P3H2: variants seen among roughly 807,000 people sequenced by gnomAD.
P3H2 encodes prolyl 3-hydroxylase 2, also known as leprecan-like 1.
A neutral mutation model predicts 87.0 loss-of-function variants in P3H2; 80 were observed. That is an observed-to-expected ratio of 0.92 (90% CI 0.77 to 1.11). The LOEUF is 1.11. Ranked by LOEUF, P3H2 falls within the 50% of genes least tolerant of loss-of-function variation. The pLI is 0.00. For missense variants in P3H2, 1,001 were observed against 923.9 expected (o/e 1.08, Z -1.08); for synonymous variants, 367 against 359.3 (o/e 1.02, Z -0.24).
At chr3:190,114,408 G>T (rs1712207221) in intron 1 of P3H2, among the ~76,000 whole-genome samples, 1 of 151,648 alleles carries the variant, frequency 6.6e-6, no homozygotes, top group African/African-American at 2.4e-5. Flanking sequence ...GGATGGTCTC[G>T]ATCTCCTGAC....
chr3:190,101,689 C>A (rs1711634090), intron 1 of P3H2, among the ~76,000 whole-genome samples: 1 of 152,120 alleles, frequency 6.6e-6, no homozygotes, highest in South Asian at 2.1e-4. Flanking sequence ...GATGACGCAG[C>A]AAGCGTTAAT....
At position 189,974,018 on chromosome 3, in the gene P3H2, C is replaced by T. The variant is rs1723269132; in HGVS notation, c.1453-14G>A. On this transcript the variant is annotated splice_polypyrimidine_tract_variant and intron_variant, in intron 9 of 14. Coordinates refer to ENST00000319332, the MANE Select transcript of P3H2 (RefSeq NM_018192.4). ...AAGCATGATTCCCTGGAAGCAAATA[C>T]AAGAAGATACGTCATCAATGATAAC... is the stretch of plus-strand genomic sequence containing the variant. 1 of 1,591,622 alleles carries T rather than the reference C, an allele frequency of 6.3e-7. No homozygotes were observed. The highest frequency in any genetic ancestry group is 2.2e-5 in the East Asian group (1 of 44,778).
intron 1 of P3H2, among the ~76,000 whole-genome samples, chr3:190,119,022 T>C (rs1242154975): frequency 2.0e-5 from 3 of 150,660 alleles, no homozygotes; most frequent in Non-Finnish European, 3.0e-5. Flanking sequence ...GGAGAATCGT[T>C]TGAGCCCGGG....
chr3:190,084,898 C>T lies in P3H2; in HGVS notation c.480+35354G>A, dbSNP rs1475455948. 2.0e-5 allele frequency among the ~76,000 whole-genome samples: 3 copies of T among 151,394 alleles called. No individual in the cohort carries two copies. The East Asian group carries it at 5.8e-4, about 29-fold the overall frequency. On this transcript the variant is annotated intron_variant, in intron 1 of 14. Coordinates refer to ENST00000319332, the MANE Select transcript of P3H2 (RefSeq NM_018192.4). ...TATGTACATAGTTCATAGCTCTGTA[C>T]CTAAGGGTAATTCCTTTTACCCAGT...
At chr3:190,053,412 C>A (rs10937417) in intron 1 of P3H2, among the ~76,000 whole-genome samples, 55,143 of 148,378 alleles carry the variant, frequency 0.37, 10,661 homozygotes, top group African/African-American at 0.5. Context: ...TTCTCTCAGT[C>A]TATGACTGCC....
At chr3:189,977,450 C>G (rs747092410) in intron 8 of P3H2, among the ~76,000 whole-genome samples, 2 of 152,204 alleles carry the variant, frequency 1.3e-5, no homozygotes, top group Non-Finnish European at 2.9e-5. Flanking sequence ...CCCTGGTCAA[C>G]AACTTGACTG....
intron 1 of P3H2, among the ~76,000 whole-genome samples, chr3:190,034,229 TCC>T (rs74971283): frequency 6.6e-6 from 1 of 151,556 alleles, no homozygotes; most frequent in South Asian, 2.1e-4. Context: ...GAATAATTGT[TCC>T]TCATAAACTC....
chr3:190,017,006 G>A (rs1352479455), intron 1 of P3H2, among the ~76,000 whole-genome samples: 1 of 152,232 alleles, frequency 6.6e-6, no homozygotes, highest in Admixed American at 6.5e-5. Context: ...GGTTAATTCA[G>A]TAGAAAATGT....
intron 1 of P3H2, among the ~76,000 whole-genome samples, chr3:190,097,218 CAATGTGAAACTGAG>C (rs1727614227): frequency 6.6e-6 from 1 of 150,622 alleles, no homozygotes; most frequent in Non-Finnish European, 1.5e-5. Context: ...CAAGGAGAAT[CAATGTGAAACTGAG>C]TGCTGGAACA....
chr3:189,987,213 G>A (rs900379039), intron 5 of P3H2, among the ~76,000 whole-genome samples: 9 of 152,092 alleles, frequency 5.9e-5, no homozygotes, highest in South Asian at 2.1e-4. Context: ...GGTGGCTCAC[G>A]CCTGTAATCC....
chr3:190,004,852 T>TA lies in P3H2; in HGVS notation c.481-9411dup, dbSNP rs563540775. ...CGTTGTCTTTCCCGAGTGACTCAAT[T>TA]AAAAAAAAAATTTTAGCTGGCCATC... On this transcript the variant is annotated intron_variant, in intron 1 of 14. Transcript: ENST00000319332. Among the ~76,000 whole-genome samples the TA allele has an allele frequency of 6.7e-3, 1,010 of 150,886 alleles. 3 individuals are homozygous for TA. The highest frequency in any genetic ancestry group is 0.024 in the Middle Eastern group (7 of 288).
chr3:190,053,206 T>A (rs995993087), intron 1 of P3H2, among the ~76,000 whole-genome samples: 2 of 152,026 alleles, frequency 1.3e-5, no homozygotes, highest in African/African-American at 2.4e-5. Flanking sequence ...TCTAAAAACA[T>A]TCAGATACAA....
At chr3:190,004,302 G>GC (rs1370877861) in intron 1 of P3H2, among the ~76,000 whole-genome samples, 3 of 152,178 alleles carry the variant, frequency 2.0e-5, no homozygotes, top group African/African-American at 7.2e-5. Context: ...AGCTAGATGA[G>GC]CCCTTACCTC....
chr3:190,043,627 T>C (rs144695124), intron 1 of P3H2, among the ~76,000 whole-genome samples: 33 of 152,316 alleles, frequency 2.2e-4, no homozygotes, highest in African/African-American at 6.5e-4. Flanking sequence ...TGTTTTGAAA[T>C]ATACATATAA....
In P3H2 at chr3:190,091,824, C is replaced by T. The variant is rs145840097; in HGVS notation, c.480+28428G>A. On this transcript the variant is annotated intron_variant, in intron 1 of 14. Transcript: ENST00000319332. ...GTAGGAAATGTTACATGCAAAGAGG[C>T]TGAGATATTAAAGAAAGGGAAGAGA... Among the ~76,000 whole-genome samples the T allele has an allele frequency of 6.7e-4, 102 of 152,178 alleles. 1 individual carries two copies. The highest frequency in any genetic ancestry group is 8.3e-4 in the South Asian group (4 of 4,814).
intron 1 of P3H2, among the ~76,000 whole-genome samples, chr3:190,114,314 G>A (rs1166457386): frequency 6.6e-6 from 1 of 150,518 alleles, no homozygotes; most frequent in Non-Finnish European, 1.5e-5. Context: ...CTCCCGAGTA[G>A]CTGGGACTAC....
intron 1 of P3H2, among the ~76,000 whole-genome samples, chr3:190,074,863 TAC>T (rs2108975367): frequency 6.6e-6 from 1 of 152,356 alleles, no homozygotes; most frequent in Non-Finnish European, 1.5e-5. Flanking sequence ...GAAGAAAATA[TAC>T]ACAGATAATC....
At chr3:189,991,527 A>G (rs1723876608) in intron 3 of P3H2, among the ~76,000 whole-genome samples, 1 of 152,250 alleles carries the variant, frequency 6.6e-6, no homozygotes, top group Admixed American at 6.5e-5. Context: ...TCATTTAACC[A>G]GTATTTACTA....
At chr3:190,062,817 C>T (rs1182927014) in intron 1 of P3H2, among the ~76,000 whole-genome samples, 1 of 152,050 alleles carries the variant, frequency 6.6e-6, no homozygotes, top group African/African-American at 2.4e-5. Context: ...TTTACAAACT[C>T]CATATCCTAA....
Sources: allele counts gnomAD v4.1 joint callset (sites outside exome capture counted in the v4.1 genomes callset), GRCh38; gene constraint gnomAD v4.1.1; transcripts MANE v1.5; gene names NCBI Gene and HGNC (gene_info 2026-07-23, HGNC 2026-07-21).